TPO: variants seen among roughly 807,000 people sequenced by gnomAD.
TPO encodes the protein thyroid peroxidase.
TPO carries 78 observed loss-of-function variants against 96.9 expected under a neutral mutation model. That is an observed-to-expected ratio of 0.81 (90% CI 0.67 to 0.97). The LOEUF is 0.97. Among genes scored for constraint, TPO ranks in the 50% least tolerant of loss-of-function variants. The pLI is 0.00. For synonymous variants in TPO, 547 were observed against 538.0 expected (o/e 1.02, Z -0.23); for missense variants, 1,252 against 1,274.8 (o/e 0.98, Z 0.27).
intron 2 of TPO, 126 bp downstream of exon 2, chr2:1,414,628 C>A: frequency 5.1e-6 from 4 of 783,216 alleles, no homozygotes; most frequent in Admixed American, 5.0e-5. Context: ...CTTTGTTATG[C>A]TTAAGAAAAA....
intron 3 of TPO, among the ~76,000 whole-genome samples, chr2:1,430,567 G>A (rs1399777315): frequency 2.6e-5 from 4 of 152,196 alleles, no homozygotes; most frequent in African/African-American, 7.2e-5. Context: ...CCCCAGAATT[G>A]TAGATCCACC....
intron 7 of TPO, among the ~76,000 whole-genome samples, chr2:1,475,749 G>A (rs564555204): frequency 1.3e-5 from 2 of 152,330 alleles, no homozygotes; most frequent in Non-Finnish European, 2.9e-5. Context: ...CCCGCGCCCG[G>A]CCGGAAGCGC....
chr2:1,390,155 G>A (rs1414308488), intron 1 of TPO, among the ~76,000 whole-genome samples: 2 of 129,270 alleles, frequency 1.5e-5, no homozygotes, highest in Non-Finnish European at 3.0e-5. Flanking sequence ...TTCTCCTAAT[G>A]CTATCCCCCC....
intron 14 of TPO, chr2:1,513,646 A>T (rs1366532635): frequency 6.6e-6 from 1 of 152,238 alleles, no homozygotes; most frequent in East Asian, 1.9e-4. Flanking sequence ...ATCCATAGAG[A>T]CACAGTTTGT....
At chr2:1,471,600 G>A (rs550233303) in intron 7 of TPO, among the ~76,000 whole-genome samples, 6 of 152,040 alleles carry the variant, frequency 3.9e-5, no homozygotes, top group Admixed American at 6.5e-5. Context: ...CTCCCGACAC[G>A]AGTCTCTTCC....
rs1212824679 is a variant in TPO at position 1,385,135 on chromosome 2, A to G, written n.180+10733A>G. On this transcript the variant is annotated intron_variant and non_coding_transcript_variant, in intron 1 of 5. Transcript: ENST00000497517. ...CCAGTATTTTATTGAGGATTTTTGCATCAGTGTTCATCAGGGATATTGGTC... is the reference window on the plus strand; with the variant it reads ...CCAGTATTTTATTGAGGATTTTTGCGTCAGTGTTCATCAGGGATATTGGTC... Among the ~76,000 whole-genome samples, 10 of 151,730 alleles carry G rather than the reference A, an allele frequency of 6.6e-5. No homozygotes were observed. The East Asian group carries it at 1.9e-3, about 29-fold the overall frequency.
chr2:1,523,230 A>G (rs1308118373), intron 15 of TPO, among the ~76,000 whole-genome samples: 1 of 31,056 alleles, frequency 3.2e-5, no homozygotes, highest in Non-Finnish European at 5.7e-5. Flanking sequence ...ACTTTGAGCA[A>G]CCTCCCCAAA....
intron 5 of TPO, among the ~76,000 whole-genome samples, chr2:1,440,359 A>G (rs1666045508): frequency 6.7e-6 from 1 of 149,766 alleles, no homozygotes. Context: ...GCATGTCACA[A>G]GTGGATGGCA....
At chr2:1,399,755 G>A (rs1430949539) in intron 1 of TPO, among the ~76,000 whole-genome samples, 1 of 152,136 alleles carries the variant, frequency 6.6e-6, no homozygotes, top group African/African-American at 2.4e-5. Flanking sequence ...GCCTCAATCT[G>A]CCTTCCTTGC....
At chr2:1,476,840 G>A (rs1348501365) in intron 7 of TPO, among the ~76,000 whole-genome samples, 2 of 150,614 alleles carry the variant, frequency 1.3e-5, no homozygotes, top group African/African-American at 4.9e-5. Context: ...GAGACCACCG[G>A]TGAGCAGGCC....
chr2:1,376,090 C>T (rs1000618800), intron 1 of TPO, among the ~76,000 whole-genome samples: 6 of 152,136 alleles, frequency 3.9e-5, no homozygotes, highest in Non-Finnish European at 7.4e-5. Context: ...AAGATGAGCG[C>T]GGCACCATCT....
intron 8 of TPO, among the ~76,000 whole-genome samples, chr2:1,482,920 A>G (rs1377866403): frequency 6.6e-6 from 1 of 152,160 alleles, no homozygotes; most frequent in African/African-American, 2.4e-5. Context: ...GGCTCAAGCA[A>G]TCCTCCCACT....
intron 1 of TPO, among the ~76,000 whole-genome samples, chr2:1,392,336 G>T (rs1662014237): frequency 6.6e-6 from 1 of 152,090 alleles, no homozygotes; most frequent in Non-Finnish European, 1.5e-5. Flanking sequence ...AACGAGCCTT[G>T]CATCCCAGGG....
At chr2:1,483,633 A>G (rs1670850534) in intron 8 of TPO, among the ~76,000 whole-genome samples, 1 of 152,324 alleles carries the variant, frequency 6.6e-6, no homozygotes, top group East Asian at 1.9e-4. Context: ...ATGCTGACCC[A>G]TAGCACAGTG....
intron 15 of TPO, among the ~76,000 whole-genome samples, chr2:1,525,304 C>G (rs1309489353): frequency 1.7e-5 from 1 of 58,144 alleles, no homozygotes; most frequent in Non-Finnish European, 4.1e-5. Context: ...CTCCTCAAAT[C>G]CCCCCCACTG....
intron 13 of TPO, among the ~76,000 whole-genome samples, chr2:1,500,828 C>T (rs553492665): frequency 8.4e-4 from 127 of 152,058 alleles, no homozygotes; most frequent in Middle Eastern, 3.4e-3. Flanking sequence ...AAAAATTAGC[C>T]GGGCATGGTG....
intron 1 of TPO, among the ~76,000 whole-genome samples, chr2:1,396,377 C>T (rs906142782): frequency 1.3e-5 from 2 of 152,266 alleles, no homozygotes; most frequent in Admixed American, 6.5e-5. Context: ...AGGACAGCTC[C>T]CAGCTCTGAG....
chr2:1,429,632 A>C (rs1258085416), intron 3 of TPO, among the ~76,000 whole-genome samples: 1 of 152,216 alleles, frequency 6.6e-6, no homozygotes, highest in Non-Finnish European at 1.5e-5. Flanking sequence ...AGTGAAGGCC[A>C]GGCTGACATG....
chr2:1,427,591 C>T (rs754291656), intron 3 of TPO, among the ~76,000 whole-genome samples: 4 of 152,178 alleles, frequency 2.6e-5, no homozygotes, highest in African/African-American at 4.8e-5. Context: ...CTCCACCTGC[C>T]GTGAGAGTGG....
Sources: allele counts gnomAD v4.1 joint callset (sites outside exome capture counted in the v4.1 genomes callset), GRCh38; gene constraint gnomAD v4.1.1; transcripts MANE v1.5; gene names NCBI Gene and HGNC (gene_info 2026-07-23, HGNC 2026-07-21).